ERBB4: variants seen among roughly 807,000 people sequenced by gnomAD.
ERBB4 encodes erb-b2 receptor tyrosine kinase 4.
ERBB4 carries 42 observed loss-of-function variants against 158.0 expected under a neutral mutation model. That is an observed-to-expected ratio of 0.27 (90% confidence interval 0.21 to 0.34). The LOEUF (loss-of-function observed/expected upper bound fraction) is 0.34. Ranked by LOEUF, ERBB4 falls within the 10% of genes least tolerant of loss-of-function variation. The pLI is 1.00. For synonymous variants in ERBB4, 583 were observed against 558.7 expected (o/e 1.04, Z -0.61); for missense variants, 1,333 against 1,624.1 (o/e 0.82, Z 3.08).
intron 1 of ERBB4, among the ~76,000 whole-genome samples, chr2:212,136,415 C>T (rs1017560606): frequency 6.6e-6 from 1 of 152,124 alleles, no homozygotes; most frequent in African/African-American, 2.4e-5. Context: ...TGAGAAATAG[C>T]AAGAGTGAAA....
chr2:211,519,296 T>C (rs1425769474), intron 20 of ERBB4, among the ~76,000 whole-genome samples: 2 of 152,198 alleles, frequency 1.3e-5, no homozygotes, highest in African/African-American at 4.8e-5. Flanking sequence ...ATGTCATTGA[T>C]TGGCTACATC....
chr2:212,196,665 A>G (rs1301524128), intron 1 of ERBB4, among the ~76,000 whole-genome samples: 2 of 152,158 alleles, frequency 1.3e-5, no homozygotes, highest in Middle Eastern at 3.2e-3. Context: ...ACCTGATGGA[A>G]TAGTACTGTT....
chr2:212,095,372 G>A (rs2078898803), intron 2 of ERBB4, among the ~76,000 whole-genome samples: 1 of 152,060 alleles, frequency 6.6e-6, no homozygotes, highest in African/African-American at 2.4e-5. Flanking sequence ...TCATAATAGA[G>A]GTGATAACTT....
intron 1 of ERBB4, among the ~76,000 whole-genome samples, chr2:212,291,242 A>G (rs1348146196): frequency 6.6e-6 from 1 of 152,150 alleles, no homozygotes; most frequent in Non-Finnish European, 1.5e-5. Flanking sequence ...CTATAGACTC[A>G]TGGCAAGTGT....
intron 2 of ERBB4, among the ~76,000 whole-genome samples, chr2:212,065,199 T>C (rs2077906214): frequency 6.6e-6 from 1 of 152,068 alleles, no homozygotes; most frequent in African/African-American, 2.4e-5. Flanking sequence ...AAGAGACGTG[T>C]TTAGACAACC....
chr2:211,604,193 G>A (rs908239318), intron 19 of ERBB4, among the ~76,000 whole-genome samples: 7 of 152,164 alleles, frequency 4.6e-5, no homozygotes, highest in African/African-American at 9.6e-5. Context: ...AGGTGTTATC[G>A]GTGCAATCAA....
chr2:211,750,619 T>C lies in ERBB4; in HGVS notation c.622+20A>G. On this transcript the variant is annotated intron_variant, in intron 5 of 27. Transcript: ENST00000342788. ...CCTTGACCACATCAAACCTGTGTGC[T>C]CTCACTGATGAACACTTACAAGTCT... is the stretch of plus-strand genomic sequence containing the variant. 6.2e-7 allele frequency: 1 copy of C among 1,607,578 alleles called. No individual in the cohort carries two copies. The highest frequency in any genetic ancestry group is 8.5e-7 in the Non-Finnish European group (1 of 1,174,028).
intron 2 of ERBB4, among the ~76,000 whole-genome samples, chr2:211,988,991 C>T (rs2082004507): frequency 6.6e-6 from 1 of 151,946 alleles, no homozygotes; most frequent in South Asian, 2.1e-4. Context: ...AACAGAAACT[C>T]TAAGATGGTA....
chr2:212,492,577 T>C (rs1690338883), intron 1 of ERBB4, among the ~76,000 whole-genome samples: 1 of 151,402 alleles, frequency 6.6e-6, no homozygotes, highest in Admixed American at 6.6e-5. Context: ...TGTACAAAAA[T>C]GATAAATCAT....
At chr2:212,288,815 A>G (rs890778494) in intron 1 of ERBB4, among the ~76,000 whole-genome samples, 6 of 151,568 alleles carry the variant, frequency 4.0e-5, no homozygotes, top group African/African-American at 1.5e-4. Context: ...TCCTACCTAA[A>G]AAGAGTTTCC....
intron 2 of ERBB4, among the ~76,000 whole-genome samples, chr2:212,056,965 T>C (rs1321694391): frequency 3.3e-5 from 5 of 152,256 alleles, no homozygotes; most frequent in Admixed American, 2.0e-4. Context: ...AATGCTCCAA[T>C]TAAAAGACAC....
intron 1 of ERBB4, among the ~76,000 whole-genome samples, chr2:212,445,681 T>C (rs1449706547): frequency 6.6e-6 from 1 of 152,080 alleles, no homozygotes; most frequent in Non-Finnish European, 1.5e-5. Context: ...TTGGGGTCAA[T>C]GGGAAATTAC....
chr2:212,368,007 T>C (rs1222039812), intron 1 of ERBB4, among the ~76,000 whole-genome samples: 4 of 152,106 alleles, frequency 2.6e-5, no homozygotes, highest in Non-Finnish European at 5.9e-5. Context: ...GTACAGCCAC[T>C]ATAAAAACAA....
chr2:211,948,189 C>A (rs746219579), intron 2 of ERBB4, among the ~76,000 whole-genome samples: 8 of 152,052 alleles, frequency 5.3e-5, no homozygotes, highest in African/African-American at 1.9e-4. Context: ...GTAATCCCAG[C>A]ACTTCTGGAG....
intron 2 of ERBB4, among the ~76,000 whole-genome samples, chr2:211,979,992 G>T (rs961305725): frequency 6.6e-6 from 1 of 152,068 alleles, no homozygotes; most frequent in Non-Finnish European, 1.5e-5. Flanking sequence ...AAATATAGAA[G>T]AGTTGCTAAC....
intron 1 of ERBB4, among the ~76,000 whole-genome samples, chr2:212,254,967 G>A (rs1276334670): frequency 2.0e-5 from 3 of 152,164 alleles, no homozygotes; most frequent in Admixed American, 2.0e-4. Flanking sequence ...CGAGTAAGGA[G>A]TAATTCATTC....
intron 20 of ERBB4, among the ~76,000 whole-genome samples, chr2:211,508,240 C>T (rs1363624245): frequency 2.0e-5 from 3 of 151,906 alleles, no homozygotes; most frequent in Admixed American, 6.6e-5. Context: ...ACCCATCAGA[C>T]AAAGGTCTAA....
chr2:212,314,300 T>A lies in ERBB4; in HGVS notation c.83-189397A>T, dbSNP rs539186431. Among the ~76,000 whole-genome samples the A allele has an allele frequency of 4.6e-5, 7 of 151,268 alleles. No individual in the cohort carries two copies. The East Asian group carries it at 1.4e-3, about 30-fold the overall frequency. On this transcript the variant is annotated intron_variant, in intron 1 of 27. Transcript: ENST00000342788. ...CTCAACTTGGTTGACATTTTTACGTTAATTTTTTTCAAGCACTTTTTTTCT... is the reference window on the plus strand; with the variant it reads ...CTCAACTTGGTTGACATTTTTACGTAAATTTTTTTCAAGCACTTTTTTTCT...
At chr2:212,508,467 T>C (rs988926346) in intron 1 of ERBB4, among the ~76,000 whole-genome samples, 2 of 152,208 alleles carry the variant, frequency 1.3e-5, no homozygotes, top group Admixed American at 6.5e-5. Context: ...GAATCAATTA[T>C]CTTGAGATAA....
Sources: gnomAD v4.1 joint callset for allele counts (sites outside exome capture counted in the v4.1 genomes callset) on GRCh38, gnomAD v4.1.1 for gene constraint, MANE v1.5 for transcripts, NCBI Gene and HGNC (gene_info 2026-07-23, HGNC 2026-07-21) for gene names.